Variants in RNF220 observed in about 807,000 individuals in gnomAD.
RNF220 encodes E3 ubiquitin-protein ligase RNF220.
A neutral mutation model predicts 67.1 loss-of-function variants in RNF220; 7 were observed. The ratio of observed to expected loss-of-function variants is 0.10; its 90% CI spans 0.06 to 0.20. The LOEUF (loss-of-function observed/expected upper bound fraction) is 0.20, where lower values mean the gene tolerates loss of function less well. Among genes scored for constraint, RNF220 ranks in the 10% least tolerant of loss-of-function variants. The pLI is 1.00. For missense variants in RNF220, 565 were observed against 740.3 expected (o/e 0.76, Z 2.75); for synonymous variants, 270 against 283.2 (o/e 0.95, Z 0.47).
At position 44,412,683 on chromosome 1, in the gene RNF220, C is replaced by A. The variant is rs1163010119; in HGVS notation, c.586C>A (p.Arg196=). The A allele has an allele frequency of 2.5e-6, 4 of 1,614,020 alleles. No individual in the cohort carries two copies. In the South Asian group the frequency reaches 3.3e-5, roughly 13 times the overall value. Residue 196 remains arginine (R), a synonymous_variant, in exon 2 of 15, where the codon CGG becomes AGG. Coordinates refer to ENST00000361799, the MANE Select transcript of RNF220 (RefSeq NM_018150.4). This position sits in a 1 kb window ranked among gnomAD's most constrained non-coding sequence, Gnocchi z 5.3. The stretch of plus-strand genomic sequence containing the variant: ...TGCTGTCTCTGGCCTCATTTCTGAT[C>A]GGGAAGCCTCATCTAGCCCAGAGGA... The part of the protein sequence containing the change: ...IFAVSGLISD[R]EASSSPEDRN...
intron 2 of RNF220, among the ~76,000 whole-genome samples, chr1:44,552,153 T>C (rs1434336830): frequency 6.6e-6 from 1 of 152,172 alleles, no homozygotes; most frequent in East Asian, 1.9e-4. Flanking sequence ...GCTCAGAACT[T>C]GTGAGCAGGA....
Position 44,650,135 on chromosome 1 carries a change from C to G in RNF220, c.1629+178C>G. ...CCCCAGGCTCGCTGCCTCTCCTCCC[C>G]AACTGCAGGTTTAGGAACTTCTCCC... On this transcript the variant is annotated intron_variant, in intron 14 of 14. Coordinates refer to ENST00000361799, the MANE Select transcript of RNF220 (RefSeq NM_018150.4). The surrounding 1 kb of genome is among the most constrained non-coding windows in gnomAD (Gnocchi z 4.3). The G allele has an allele frequency of 1.5e-6, 1 of 653,708 alleles. No homozygotes were observed. Among genetic ancestry groups the G allele is most frequent in the Non-Finnish European group, 2.6e-6 (1 of 384,620 alleles). 40.5% of individuals were successfully genotyped at this position (653,708 alleles called of 1,614,324 possible).
chr1:44,651,012 G>A lies in RNF220; in HGVS notation c.*237G>A. 1 of 514,982 alleles carries A rather than the reference G, an allele frequency of 1.9e-6. No individual in the cohort carries two copies. Among genetic ancestry groups the A allele is most frequent in the Non-Finnish European group, 3.6e-6 (1 of 279,602 alleles). The allele number at this position is 514,982 out of a possible 1,614,324, so 31.9% of individuals were successfully genotyped here. A position where few individuals can be genotyped will look rare whatever the true frequency, so the allele number is the denominator to read the frequency against. On this transcript the variant is annotated 3_prime_UTR_variant, in exon 15 of 15. Coordinates refer to ENST00000361799, the MANE Select transcript of RNF220 (RefSeq NM_018150.4). ...CACCTATGGTTTGGGGGCCATACCT[G>A]TTCCAGCTCTGTTCCCAGGGTGGGG...
intron 2 of RNF220, among the ~76,000 whole-genome samples, chr1:44,579,615 T>C (rs993687625): frequency 6.6e-6 from 1 of 152,218 alleles, no homozygotes; most frequent in African/African-American, 2.4e-5. Context: ...TGGACACTCA[T>C]CCGAGACAAC....
intron 2 of RNF220, among the ~76,000 whole-genome samples, chr1:44,470,260 C>G (rs893328878): frequency 3.3e-5 from 5 of 152,090 alleles, no homozygotes; most frequent in Admixed American, 1.3e-4. Flanking sequence ...ATAATGCTTC[C>G]TAAGATTTTG....
intron 2 of RNF220, among the ~76,000 whole-genome samples, chr1:44,415,561 G>C (rs925231887): frequency 1.3e-5 from 2 of 152,042 alleles, no homozygotes; most frequent in African/African-American, 4.8e-5. Flanking sequence ...TTAAAATTTA[G>C]AGTTAATTGC....
chr1:44,479,551 G>C (rs1655611495), intron 2 of RNF220, among the ~76,000 whole-genome samples: 3 of 152,028 alleles, frequency 2.0e-5, no homozygotes, highest in Admixed American at 2.0e-4. Flanking sequence ...TTGCTCTTAA[G>C]TTTTCTACAA....
At chr1:44,425,002 T>C (rs1210197411) in intron 2 of RNF220, among the ~76,000 whole-genome samples, 1 of 152,254 alleles carries the variant, frequency 6.6e-6, no homozygotes, top group African/African-American at 2.4e-5. Context: ...ATTCAAATGC[T>C]CATTTGTAAA....
rs7539938 is a variant in RNF220 at position 44,556,253 on chromosome 1, C to T, written c.626-57912C>T. ...TTCACCAAGTTGGCCAGGCTGGTCT[C>T]GAACTCCTGACTTCAAGTGATCCAT... On this transcript the variant is annotated intron_variant, in intron 2 of 14. Coordinates refer to ENST00000361799, the MANE Select transcript of RNF220 (RefSeq NM_018150.4). Among the ~76,000 whole-genome samples the T allele has an allele frequency of 6.6e-3, 987 of 150,506 alleles. 81 individuals carry two copies. Among genetic ancestry groups the T allele is most frequent in the African/African-American group, 0.023 (944 of 40,232 alleles).
chr1:44,615,094 G>A (rs459420), intron 3 of RNF220, among the ~76,000 whole-genome samples: 9,234 of 152,142 alleles, frequency 0.061, 385 homozygotes, highest in South Asian at 0.13. Context: ...TGTCAGCTGG[G>A]ACCTCAGCTG....
intron 2 of RNF220, among the ~76,000 whole-genome samples, chr1:44,572,579 G>T (rs1664517034): frequency 6.6e-6 from 1 of 152,106 alleles, no homozygotes; most frequent in Non-Finnish European, 1.5e-5. Context: ...ATCTCTCTCT[G>T]TACATTGCAA....
intron 2 of RNF220, among the ~76,000 whole-genome samples, chr1:44,551,050 T>G (rs1007013874): frequency 6.6e-6 from 1 of 151,772 alleles, no homozygotes; most frequent in Non-Finnish European, 1.5e-5. Context: ...CCTGCCAAAA[T>G]TGGCCCCTCT....
At chr1:44,542,613 G>C (rs1418444206) in intron 2 of RNF220, among the ~76,000 whole-genome samples, 1 of 152,194 alleles carries the variant, frequency 6.6e-6, no homozygotes, top group Non-Finnish European at 1.5e-5. Flanking sequence ...TTGACAACAA[G>C]GGGCTGGGAG....
At chr1:44,438,788 G>A (rs9660387) in intron 2 of RNF220, among the ~76,000 whole-genome samples, 107,400 of 152,180 alleles carry the variant, frequency 0.71, 38,118 homozygotes, top group East Asian at 0.81. Flanking sequence ...ATTTTGGTAT[G>A]TATCATTCCA....
chr1:44,521,002 C>G (rs1472285132), intron 2 of RNF220, among the ~76,000 whole-genome samples: 1 of 152,124 alleles, frequency 6.6e-6, no homozygotes, highest in African/African-American at 2.4e-5. Flanking sequence ...CTCAAAGGAT[C>G]CTCTCACCTC....
chr1:44,557,930 C>A (rs868761378), intron 2 of RNF220, among the ~76,000 whole-genome samples: 3 of 152,200 alleles, frequency 2.0e-5, no homozygotes, highest in Admixed American at 1.3e-4. Context: ...GCATGCCCTG[C>A]GTCTTCTCCA....
intron 5 of RNF220, chr1:44,631,986 G>A (rs1385745924): frequency 5.0e-6 from 5 of 1,003,800 alleles, no homozygotes; most frequent in Non-Finnish European, 5.9e-6. Context: ...CATGGCCGCC[G>A]CCGCCGCTTG....
At chr1:44,580,603 C>A (rs796439757) in intron 2 of RNF220, among the ~76,000 whole-genome samples, 12 of 152,346 alleles carry the variant, frequency 7.9e-5, no homozygotes, top group African/African-American at 2.6e-4. Flanking sequence ...AGCAGCAAAG[C>A]CGCCTGAGGA....
At chr1:44,476,634 G>T (rs1655325404) in intron 2 of RNF220, among the ~76,000 whole-genome samples, 1 of 152,120 alleles carries the variant, frequency 6.6e-6, no homozygotes, top group Non-Finnish European at 1.5e-5. Context: ...CTTGTAGTTG[G>T]GGCAGCAAAT....
Sources: gnomAD v4.1 joint callset for allele counts (sites outside exome capture counted in the v4.1 genomes callset) on GRCh38, gnomAD v4.1.1 for gene constraint, Gnocchi (gnomAD v3.1) non-coding constraint, MANE v1.5 for transcripts, NCBI Gene and HGNC (gene_info 2026-07-23, HGNC 2026-07-21) for gene names.